The following DLC1 variants were observed in gnomAD, a reference collection of about 807,000 sequenced individuals.
DLC1 encodes the protein DLC1 Rho GTPase activating protein.
Under a neutral mutation model 140.3 loss-of-function variants are expected in DLC1, and 54 were observed. The ratio of observed to expected loss-of-function variants is 0.38; its 90% CI spans 0.31 to 0.48. The LOEUF is 0.48. DLC1 is among the 20% of genes least tolerant of loss of function. DLC1 has a pLI of 0.96. For synonymous variants in DLC1, 986 were observed against 728.1 expected (o/e 1.35, Z -5.70); for missense variants, 2,536 against 1,907.0 (o/e 1.33, Z -6.14).
chr8:13,175,307 T>TC (rs1011130397), intron 5 of DLC1, among the ~76,000 whole-genome samples: 4 of 151,432 alleles, frequency 2.6e-5, no homozygotes, highest in African/African-American at 9.7e-5. Context: ...CTCCAGCTTT[T>TC]TTTTTTTTTT....
Position 13,312,089 on chromosome 8 carries a change from C to T in DLC1, c.1315-6787G>A, listed in dbSNP as rs866117075. On this transcript the variant is annotated intron_variant, in intron 4 of 17. Coordinates refer to ENST00000276297, the MANE Select transcript of DLC1 (RefSeq NM_182643.3). ...AAAAATAATTTCTTTAGGCCGGGCG[C>T]GGTGGCTCACGCCTGTAATCCCAGC... 6.9e-5 allele frequency among the ~76,000 whole-genome samples: 9 copies of T among 130,472 alleles called. 1 individual carries two copies. The highest frequency in any genetic ancestry group is 2.4e-4 in the African/African-American group (8 of 33,804). 85.6% of individuals were successfully genotyped at this position (130,472 alleles called of 152,430 possible).
chr8:13,333,164 T>C (rs1450667185), intron 4 of DLC1, among the ~76,000 whole-genome samples: 3 of 152,234 alleles, frequency 2.0e-5, no homozygotes, highest in Non-Finnish European at 4.4e-5. Flanking sequence ...TTGTAAAATA[T>C]TCCCTACCTA....
intron 1 of DLC1, among the ~76,000 whole-genome samples, chr8:13,575,733 G>T (rs1334513740): frequency 1.3e-5 from 2 of 152,186 alleles, no homozygotes; most frequent in African/African-American, 4.8e-5. Context: ...CCTGAAACTG[G>T]TAAGGGCAGT....
chr8:13,151,610 G>C (rs1249850577), intron 5 of DLC1, among the ~76,000 whole-genome samples: 1 of 152,202 alleles, frequency 6.6e-6, no homozygotes, highest in Non-Finnish European at 1.5e-5. Context: ...CGGAAGAAAA[G>C]AGAAATGATT....
chr8:13,601,014 T>A (rs1363063328), intron 1 of DLC1, among the ~76,000 whole-genome samples: 1 of 151,888 alleles, frequency 6.6e-6, no homozygotes, highest in African/African-American at 2.4e-5. Context: ...ATTCATTTAT[T>A]TTGAGTCTCA....
At chr8:13,407,306 G>C (rs1837611974) in intron 2 of DLC1, among the ~76,000 whole-genome samples, 1 of 152,138 alleles carries the variant, frequency 6.6e-6, no homozygotes, top group Non-Finnish European at 1.5e-5. Context: ...GTCAGATTCT[G>C]TGAGGCTTAA....
intron 15 of DLC1, among the ~76,000 whole-genome samples, chr8:13,089,738 G>A (rs1306635706): frequency 1.3e-5 from 2 of 152,180 alleles, no homozygotes; most frequent in Non-Finnish European, 2.9e-5. Context: ...TGGTAGAGGC[G>A]GCATCAACAT....
At chr8:13,537,648 CTTTTTTTTTTT>C (rs3066420) in intron 1 of DLC1, among the ~76,000 whole-genome samples, 5 of 90,346 alleles carry the variant, frequency 5.5e-5, no homozygotes, top group African/African-American at 4.6e-5. Context: ...ACAGCTAACT[CTTTTTTTTTTT>C]TTTTTTTTTT....
At chr8:13,153,145 G>A (rs544356260) in intron 5 of DLC1, among the ~76,000 whole-genome samples, 3 of 152,342 alleles carry the variant, frequency 2.0e-5, no homozygotes, top group South Asian at 4.1e-4. Flanking sequence ...GAGTGTTACA[G>A]ATCTTAAAGA....
At chr8:13,150,537 G>A (rs758121454) in intron 5 of DLC1, among the ~76,000 whole-genome samples, 16 of 152,160 alleles carry the variant, frequency 1.1e-4, no homozygotes, top group Non-Finnish European at 2.2e-4. Flanking sequence ...CACATGACTG[G>A]CAGTAAACAC....
intron 4 of DLC1, among the ~76,000 whole-genome samples, chr8:13,308,700 A>G (rs1483968156): frequency 6.6e-6 from 1 of 152,226 alleles, no homozygotes; most frequent in African/African-American, 2.4e-5. Context: ...AAGGCAAAGA[A>G]TGGATGCTGA....
intron 5 of DLC1, chr8:13,276,592 T>G (rs1586057198): frequency 7.9e-7 from 1 of 1,262,250 alleles, no homozygotes; most frequent in East Asian, 3.3e-5. Flanking sequence ...GGCGGCCACA[T>G]CTGGAAAGAC....
In DLC1 at chr8:13,268,872, CT is replaced by C. The variant is rs57984324; in HGVS notation, c.1348+36396del. On this transcript the variant is annotated intron_variant, in intron 5 of 17. Coordinates refer to ENST00000276297, the MANE Select transcript of DLC1 (RefSeq NM_182643.3). ...TACCCCTCCCATCTGTGCTTCCTTC[CT>C]TTTTTTTTTTTTTTTTTTTGAGATG... 5.0e-3 allele frequency among the ~76,000 whole-genome samples: 629 copies of C among 126,450 alleles called. 5 individuals carry two copies. The highest frequency in any genetic ancestry group is 0.029 in the Middle Eastern group (7 of 244). 83.0% of individuals were successfully genotyped at this position (126,450 alleles called of 152,430 possible).
At chr8:13,538,050 A>G (rs1024339255) in intron 1 of DLC1, among the ~76,000 whole-genome samples, 1 of 152,188 alleles carries the variant, frequency 6.6e-6, no homozygotes, top group African/African-American at 2.4e-5. Context: ...GTCTCACTGA[A>G]GTAATAATAA....
chr8:13,412,967 T>C (rs1228721842), intron 2 of DLC1, among the ~76,000 whole-genome samples: 2 of 147,382 alleles, frequency 1.4e-5, no homozygotes, highest in Non-Finnish European at 3.0e-5. Flanking sequence ...CCGGTTTGAA[T>C]GGATGCACCC....
intron 5 of DLC1, among the ~76,000 whole-genome samples, chr8:13,255,954 T>C (rs1185154308): frequency 6.6e-6 from 1 of 152,182 alleles, no homozygotes; most frequent in Non-Finnish European, 1.5e-5. Context: ...CAACACAGTA[T>C]AGTAATGAAC....
intron 4 of DLC1, among the ~76,000 whole-genome samples, chr8:13,384,948 T>C (rs932091738): frequency 6.6e-6 from 1 of 152,192 alleles, no homozygotes; most frequent in African/African-American, 2.4e-5. Flanking sequence ...CATTTTCCTC[T>C]TTCTTATAAT....
At chr8:13,150,170 C>T (rs750163218) in intron 5 of DLC1, among the ~76,000 whole-genome samples, 1 of 152,204 alleles carries the variant, frequency 6.6e-6, no homozygotes, top group Non-Finnish European at 1.5e-5. Context: ...AGAAGAAAGA[C>T]AGCACTATGG....
chr8:13,600,934 A>G (rs1805854446), intron 1 of DLC1, among the ~76,000 whole-genome samples: 1 of 151,850 alleles, frequency 6.6e-6, no homozygotes, highest in Admixed American at 6.6e-5. Context: ...ATTTTACCAA[A>G]TCATGAGTAT....
Sources: gnomAD v4.1 joint callset for allele counts (sites outside exome capture counted in the v4.1 genomes callset) on GRCh38, gnomAD v4.1.1 for gene constraint, MANE v1.5 for transcripts, NCBI Gene and HGNC (gene_info 2026-07-23, HGNC 2026-07-21) for gene names.